ZNF468: variants seen among roughly 807,000 people sequenced by gnomAD.
ZNF468 encodes zinc finger protein ZNF468.
ZNF468 carries 8 observed loss-of-function variants against 7.2 expected under a neutral mutation model. The ratio of observed to expected loss-of-function variants is 1.11; its 90% CI spans 0.65 to 2.01. The LOEUF (loss-of-function observed/expected upper bound fraction) is 2.01, where lower values mean the gene tolerates loss of function less well. Among genes scored for constraint, ZNF468 ranks in the 30% most tolerant of loss-of-function variants. ZNF468 has a pLI of 0.00. For missense variants in ZNF468, 608 were observed against 626.5 expected (o/e 0.97, Z 0.31); for synonymous variants, 218 against 214.4 (o/e 1.02, Z -0.15).
intron 3 of ZNF468, among the ~76,000 whole-genome samples, chr19:52,845,772 A>G (rs758089452): frequency 6.6e-6 from 1 of 152,206 alleles, no homozygotes; most frequent in Non-Finnish European, 1.5e-5. Flanking sequence ...TGGGAGGATG[A>G]GTCAGGCAGA....
At chr19:52,849,241 T>C (rs1278151549) in intron 2 of ZNF468, 28 bp from the exon 3 acceptor site, 6 of 1,612,862 alleles carry the variant, frequency 3.7e-6, no homozygotes, top group Non-Finnish European at 5.1e-6. Flanking sequence ...TTTAACCAAA[T>C]GGTTATGGGA....
Position 52,841,594 on chromosome 19 carries a change from G to T in ZNF468, c.700C>A (p.Gln234Lys). 1 of 1,614,002 alleles carries T rather than the reference G, an allele frequency of 6.2e-7. No individual in the cohort carries two copies. Among genetic ancestry groups the T allele is most frequent in the South Asian group, 1.1e-5 (1 of 91,048 alleles). Residue 234 changes from glutamine to lysine, a missense_variant, in exon 4 of 4, where the codon CAG becomes AAG. Gln to Lys is a moderately conservative substitution (Grantham distance 53, BLOSUM62 1). Coordinates refer to ENST00000595646, the MANE Select transcript of ZNF468 (RefSeq NM_001008801.2). ...TGTTTCTCTTCTAAGTGAATTATCT[G>T]ATGTTTTTTTAAGAGTGAGCTGCAA... is the stretch of plus-strand genomic sequence containing the variant. The part of the protein sequence containing the change: ...FNCSSLLKKH[Q>K]IIHLEEKQCK...
intron 3 of ZNF468, among the ~76,000 whole-genome samples, chr19:52,846,059 T>A (rs1285498622): frequency 6.6e-6 from 1 of 152,158 alleles, no homozygotes; most frequent in Non-Finnish European, 1.5e-5. Context: ...CTGGCATATG[T>A]ATACCTTTTC....
At chr19:52,853,942 A>C in intron 2 of ZNF468, 2 of 1,394,090 alleles carry the variant, frequency 1.4e-6, no homozygotes, top group Non-Finnish European at 1.9e-6. Flanking sequence ...CAGTGAGCTG[A>C]CAGTGCATCC....
Sources: gnomAD v4.1 joint callset for allele counts (sites outside exome capture counted in the v4.1 genomes callset) on GRCh38, gnomAD v4.1.1 for gene constraint, MANE v1.5 for transcripts, NCBI Gene and HGNC (gene_info 2026-07-23, HGNC 2026-07-21) for gene names.